The following ARB2A variants were observed in gnomAD, a reference collection of about 807,000 sequenced individuals.
ARB2A encodes the protein cotranscriptional regulator ARB2A.
the ARB2A span, among the ~76,000 whole-genome samples, chr5:93,832,062 C>CA: frequency 4.6e-5 from 7 of 152,076 alleles, no homozygotes; most frequent in Non-Finnish European, 7.4e-5. Context: ...ACTTGATATC[C>CA]ATTGACTAAA....
At chr5:93,833,546 A>T in the ARB2A span, among the ~76,000 whole-genome samples, 1 of 152,236 alleles carries the variant, frequency 6.6e-6, no homozygotes, top group African/African-American at 2.4e-5. Flanking sequence ...TATGTAGTGT[A>T]ATTTTTATCA....
At chr5:93,806,811 G>A in the ARB2A span, among the ~76,000 whole-genome samples, 1 of 151,882 alleles carries the variant, frequency 6.6e-6, no homozygotes, top group Admixed American at 6.6e-5. Flanking sequence ...TGAAATCACT[G>A]ATGTCATGTT....
chr5:94,107,521 T>C, the ARB2A span, among the ~76,000 whole-genome samples: 1 of 147,820 alleles, frequency 6.8e-6, no homozygotes, highest in Non-Finnish European at 1.5e-5. Flanking sequence ...GTACAAAACA[T>C]TCAATAGTTA....
At chr5:93,705,890 T>G in the ARB2A span, among the ~76,000 whole-genome samples, 4 of 151,786 alleles carry the variant, frequency 2.6e-5, no homozygotes, top group Non-Finnish European at 4.4e-5. Flanking sequence ...TAAATGGGGG[T>G]TTGGGGATTG....
chr5:94,083,025 A>G, the ARB2A span, among the ~76,000 whole-genome samples: 1 of 152,188 alleles, frequency 6.6e-6, no homozygotes, highest in Non-Finnish European at 1.5e-5. Flanking sequence ...TCCAAAACCA[A>G]TCAAAGCTCC....
At chr5:93,969,529 G>C in the ARB2A span, among the ~76,000 whole-genome samples, 1 of 152,084 alleles carries the variant, frequency 6.6e-6, no homozygotes, top group African/African-American at 2.4e-5. Context: ...ATACAGTAAT[G>C]CCCTCAAGGA....
At chr5:93,772,134 T>C in the ARB2A span, among the ~76,000 whole-genome samples, 1 of 152,244 alleles carries the variant, frequency 6.6e-6, no homozygotes, top group Non-Finnish European at 1.5e-5. Context: ...CCGTAAAAAA[T>C]GATGAGTTCA....
chr5:93,930,270 GATA>G, the ARB2A span, among the ~76,000 whole-genome samples: 2 of 152,252 alleles, frequency 1.3e-5, no homozygotes, highest in Non-Finnish European at 2.9e-5. Context: ...GTCTGTCTTG[GATA>G]ATTACAGTAA....
the ARB2A span, among the ~76,000 whole-genome samples, chr5:93,668,764 CAA>C: frequency 2.6e-5 from 4 of 152,106 alleles, no homozygotes; most frequent in African/African-American, 9.7e-5. Flanking sequence ...CTATTCTTAT[CAA>C]AGTCTTCTCT....
chr5:94,102,809 C>CTTA, the ARB2A span, among the ~76,000 whole-genome samples: 21 of 152,098 alleles, frequency 1.4e-4, no homozygotes, highest in Non-Finnish European at 2.1e-4. Flanking sequence ...ATCAGGCTAA[C>CTTA]AGCTGACCTT....
chr5:93,639,438 T>C, the ARB2A span, among the ~76,000 whole-genome samples: 1 of 152,024 alleles, frequency 6.6e-6, no homozygotes, highest in African/African-American at 2.4e-5. Context: ...ATTTCTTCTC[T>C]GAATGTCTTT....
At chr5:93,737,647 C>G in the ARB2A span, 1 of 208,280 alleles carries the variant, frequency 4.8e-6, no homozygotes, top group Non-Finnish European at 9.8e-6. Flanking sequence ...GACATATAGA[C>G]CAACAGAAGA....
At chr5:93,949,058 T>G in the ARB2A span, among the ~76,000 whole-genome samples, 7 of 152,172 alleles carry the variant, frequency 4.6e-5, no homozygotes, top group African/African-American at 1.7e-4. Context: ...GGTTCATATC[T>G]TACTAGCTAA....
the ARB2A span, among the ~76,000 whole-genome samples, chr5:93,644,184 C>T: frequency 1.3e-5 from 2 of 152,294 alleles, no homozygotes; most frequent in African/African-American, 4.8e-5. Context: ...GTCCAGATCC[C>T]AGGCTCTTAT....
At chr5:93,724,231 T>C in the ARB2A span, among the ~76,000 whole-genome samples, 15 of 151,748 alleles carry the variant, frequency 9.9e-5, no homozygotes, top group African/African-American at 3.6e-4. Context: ...TGATGCAAAA[T>C]AGACACAGTA....
At chr5:93,774,717 G>A in the ARB2A span, among the ~76,000 whole-genome samples, 1 of 152,162 alleles carries the variant, frequency 6.6e-6, no homozygotes, top group Non-Finnish European at 1.5e-5. Context: ...ATGCCTTATG[G>A]AGAAAATATG....
At chr5:93,718,054 C>T in the ARB2A span, among the ~76,000 whole-genome samples, 17 of 151,158 alleles carry the variant, frequency 1.1e-4, 1 homozygote, top group East Asian at 3.4e-3. Flanking sequence ...AGGCTGGTCT[C>T]GAACTCCTGA....
At chr5:94,050,663 C>T in the ARB2A span, 1 of 1,238,088 alleles carries the variant, frequency 8.1e-7, no homozygotes, top group South Asian at 1.5e-5. Flanking sequence ...ACTGCTGCAT[C>T]TTCAAAACTT....
At chr5:94,025,454 T>C in the ARB2A span, among the ~76,000 whole-genome samples, 1 of 152,228 alleles carries the variant, frequency 6.6e-6, no homozygotes, top group Non-Finnish European at 1.5e-5. Context: ...TCATTTAACC[T>C]TTAGCTCCTA....
Sources: allele counts gnomAD v4.1 joint callset (sites outside exome capture counted in the v4.1 genomes callset), GRCh38; gene constraint gnomAD v4.1.1; transcripts MANE v1.5; gene names NCBI Gene and HGNC (gene_info 2026-07-23, HGNC 2026-07-21).